Variants in BAIAP2 observed in about 807,000 individuals in gnomAD.
BAIAP2 encodes BAR/IMD domain containing adaptor protein 2.
Under a neutral mutation model 63.0 loss-of-function variants are expected in BAIAP2, and 18 were observed. That is an observed-to-expected ratio of 0.29 (90% confidence interval 0.20 to 0.42). BAIAP2 has a LOEUF of 0.42. BAIAP2 is among the 10% of genes least tolerant of loss of function. The probability of loss-of-function intolerance (pLI) is 1.00; values close to 1 mark genes in which losing one functional copy is unlikely to be tolerated. For missense variants in BAIAP2, 610 were observed against 734.3 expected, an observed-to-expected ratio of 0.83 and a Z score of 1.96; for synonymous variants, 386 against 307.6, an observed-to-expected ratio of 1.25 and a Z score of -2.67.
chr17:81,085,214 C>T (rs1372638114), intron 4 of BAIAP2: 2 of 511,984 alleles, frequency 3.9e-6, no homozygotes, highest in East Asian at 3.5e-5. Flanking sequence ...CTTCCCCTGG[C>T]CTCTCCGACT....
rs1160176703 is a variant in BAIAP2 at position 81,116,657 on chromosome 17, C to T, written c.*818C>T. On this transcript the variant is annotated 3_prime_UTR_variant, in exon 14 of 14. Transcript: ENST00000428708. ...TGGGTGGACCTCCCCCCCCCACCTC[C>T]GCTGACTCCTGCAGGCACTGGGGAG... The T allele has an allele frequency of 2.6e-5, 9 of 350,782 alleles. No individual in the cohort carries two copies. The highest frequency in any genetic ancestry group is 3.8e-5 in the South Asian group (1 of 26,310). 21.7% of individuals were successfully genotyped at this position (350,782 alleles called of 1,614,324 possible).
chr17:81,084,079 G>A (rs1360316429), intron 3 of BAIAP2, among the ~76,000 whole-genome samples: 1 of 152,180 alleles, frequency 6.6e-6, no homozygotes, highest in Non-Finnish European at 1.5e-5. Flanking sequence ...ACCCTGTGCC[G>A]CCACGATTTT....
chr17:81,088,774 A>G (rs898790478), intron 6 of BAIAP2, among the ~76,000 whole-genome samples: 4 of 152,200 alleles, frequency 2.6e-5, no homozygotes, highest in Non-Finnish European at 4.4e-5. Flanking sequence ...CATCCTGCTC[A>G]GGGCCAGGGC....
intron 7 of BAIAP2, among the ~76,000 whole-genome samples, chr17:81,102,504 C>A (rs1007352117): frequency 3.3e-5 from 5 of 152,240 alleles, no homozygotes; most frequent in Non-Finnish European, 2.9e-5. Flanking sequence ...TGAGGGCAGC[C>A]ATGAATGAAT....
chr17:81,061,134 T>G (rs980599829), intron 3 of BAIAP2, among the ~76,000 whole-genome samples: 1 of 152,156 alleles, frequency 6.6e-6, no homozygotes, highest in African/African-American at 2.4e-5. Context: ...AAAAAAAAGT[T>G]TAGACATCAT....
At chr17:81,042,142 C>CT (rs36029761) in intron 1 of BAIAP2, among the ~76,000 whole-genome samples, 7,018 of 109,630 alleles carry the variant, frequency 0.064, 252 homozygotes, top group Admixed American at 0.12. Context: ...TTTCTTTTTT[C>CT]TTTTTTTTTT....
chr17:81,043,997 C>T (rs925362504), intron 1 of BAIAP2, among the ~76,000 whole-genome samples: 5 of 152,254 alleles, frequency 3.3e-5, no homozygotes, highest in Admixed American at 6.5e-5. Context: ...GAAAGTTCTT[C>T]AGAGATCAGA....
intron 13 of BAIAP2, chr17:81,110,626 A>G: frequency 8.1e-7 from 1 of 1,241,524 alleles, no homozygotes; most frequent in South Asian, 3.1e-5. Flanking sequence ...CCTGCTAGAT[A>G]ACCTGGGCTT....
chr17:81,045,022 C>T (rs1051929359), intron 1 of BAIAP2, among the ~76,000 whole-genome samples: 2 of 152,344 alleles, frequency 1.3e-5, no homozygotes, highest in South Asian at 2.1e-4. Flanking sequence ...ATGTGCCTCT[C>T]GGACAGGAAG....
chr17:81,096,430 C>A (rs1013116594), intron 6 of BAIAP2, among the ~76,000 whole-genome samples: 1 of 152,226 alleles, frequency 6.6e-6, no homozygotes, highest in Non-Finnish European at 1.5e-5. Flanking sequence ...AAAGCAGGCA[C>A]CCCCATCACA....
intron 3 of BAIAP2, among the ~76,000 whole-genome samples, chr17:81,067,435 G>C (rs1294468392): frequency 6.6e-6 from 1 of 152,250 alleles, no homozygotes; most frequent in Non-Finnish European, 1.5e-5. Context: ...CCCTCTGGCT[G>C]TGGCTGGGGA....
chr17:81,108,202 C>G (rs1396596071), intron 12 of BAIAP2: 4 of 523,338 alleles, frequency 7.6e-6, no homozygotes, highest in Non-Finnish European at 1.3e-5. Flanking sequence ...AGTCTTGCAT[C>G]TGTTTGGGAG....
intron 6 of BAIAP2, among the ~76,000 whole-genome samples, chr17:81,088,979 G>C (rs565962674): frequency 1.3e-5 from 2 of 152,354 alleles, no homozygotes; most frequent in African/African-American, 2.4e-5. Flanking sequence ...CAGCTCCCTG[G>C]TTTTCAGGTG....
chr17:81,073,101 G>A (rs1029400977), intron 3 of BAIAP2, among the ~76,000 whole-genome samples: 5 of 152,074 alleles, frequency 3.3e-5, no homozygotes, highest in Non-Finnish European at 4.4e-5. Context: ...GCCCCAGTGG[G>A]TTGAAGCTCT....
At chr17:81,105,816 C>T in intron 10 of BAIAP2, 1 of 423,426 alleles carries the variant, frequency 2.4e-6, no homozygotes, top group South Asian at 2.6e-5. Context: ...TCTGCCCGGG[C>T]TCTGGGGCCT....
intron 6 of BAIAP2, among the ~76,000 whole-genome samples, chr17:81,092,612 A>G (rs1468331762): frequency 6.6e-6 from 1 of 152,198 alleles, no homozygotes; most frequent in African/African-American, 2.4e-5. Context: ...GTTATAGGTC[A>G]GGGCACTGGG....
At chr17:81,084,931 A>G (rs751902118) in intron 4 of BAIAP2, 38 bp downstream of exon 4, 2 of 1,604,952 alleles carry the variant, frequency 1.2e-6, no homozygotes, top group East Asian at 4.5e-5. Flanking sequence ...GAGGAGGGGC[A>G]GGTGCGACGG....
chr17:81,091,443 G>A (rs1254634237), intron 6 of BAIAP2, among the ~76,000 whole-genome samples: 2 of 152,136 alleles, frequency 1.3e-5, no homozygotes, highest in Non-Finnish European at 1.5e-5. Flanking sequence ...CAGCCCGGGG[G>A]TGTCTACGCA....
intron 1 of BAIAP2, among the ~76,000 whole-genome samples, chr17:81,049,863 A>G (rs778204478): frequency 5.9e-5 from 9 of 152,202 alleles, no homozygotes; most frequent in Non-Finnish European, 1.0e-4. Flanking sequence ...ACTGGAGTGT[A>G]TGCCCCACAG....
Sources: gnomAD v4.1 joint callset for allele counts (sites outside exome capture counted in the v4.1 genomes callset) on GRCh38, gnomAD v4.1.1 for gene constraint, MANE v1.5 for transcripts, NCBI Gene and HGNC (gene_info 2026-07-23, HGNC 2026-07-21) for gene names.